Variants in MAGEC3 observed in about 807,000 individuals in gnomAD.
MAGEC3 encodes the protein melanoma-associated antigen C3.
In MAGEC3, 34 loss-of-function variants were observed where a neutral mutation model predicts 35.3. That is an observed-to-expected ratio of 0.96 (90% confidence interval 0.73 to 1.28). The LOEUF (loss-of-function observed/expected upper bound fraction) is 1.28, where lower values mean the gene tolerates loss of function less well. Among genes scored for constraint, MAGEC3 ranks in the 50% most tolerant of loss-of-function variants. The probability of loss-of-function intolerance (pLI) is 0.00; values close to 1 mark genes in which losing one functional copy is unlikely to be tolerated. For missense variants in MAGEC3, 561 were observed against 483.6 expected (o/e 1.16, Z -1.50); for synonymous variants, 202 against 185.6 (o/e 1.09, Z -0.72).
At chrX:141,883,622 A>T (rs773117392) in intron 4 of MAGEC3, among the ~76,000 whole-genome samples, 6 of 112,389 alleles carry the variant, frequency 5.3e-5, no homozygotes, top group Non-Finnish European at 9.4e-5. Context: ...TGGGATTTTA[A>T]TATATGATAT....
intron 3 of MAGEC3, among the ~76,000 whole-genome samples, chrX:141,879,660 C>G (rs2017947655): frequency 9.1e-6 from 1 of 110,011 alleles, no homozygotes; most frequent in Non-Finnish European, 1.9e-5. Flanking sequence ...GGAGACCTAG[C>G]CCCACTGGGA....
intron 2 of MAGEC3, among the ~76,000 whole-genome samples, chrX:141,866,514 C>G (rs2017850157): frequency 8.9e-6 from 1 of 112,084 alleles, no homozygotes; most frequent in Non-Finnish European, 1.9e-5. Context: ...AATAGAAATG[C>G]AAGCTAGTGC....
intron 1 of MAGEC3, among the ~76,000 whole-genome samples, chrX:141,852,812 A>G (rs938838763): frequency 1.8e-5 from 2 of 111,169 alleles, no homozygotes; most frequent in African/African-American, 3.3e-5. Context: ...CTATTTTTGT[A>G]TTGCTAGATT....
At chrX:141,850,680 T>C (rs2868575) in intron 1 of MAGEC3, among the ~76,000 whole-genome samples, 10,451 of 111,361 alleles carry the variant, frequency 0.094, 438 homozygotes, top group South Asian at 0.3. Context: ...TAACCAAACA[T>C]CTGGGCAGTA....
At chrX:141,897,535 C>T (rs2018113905) in intron 7 of MAGEC3, 49 bp downstream of exon 7, 5 of 1,194,561 alleles carry the variant, frequency 4.2e-6, no homozygotes, top group East Asian at 3.0e-5. Flanking sequence ...CAGAAAGCTG[C>T]TCACTATACA....
chrX:141,843,576 G>A (rs1372255016), intron 1 of MAGEC3, among the ~76,000 whole-genome samples: 1 of 110,713 alleles, frequency 9.0e-6, no homozygotes, highest in Non-Finnish European at 1.9e-5. Flanking sequence ...ATCACCCCAT[G>A]AACAGAATGC....
intron 7 of MAGEC3, 51 bp downstream of exon 7, chrX:141,897,537 C>T (rs2018113946): frequency 1.7e-6 from 2 of 1,196,234 alleles, no homozygotes; most frequent in Non-Finnish European, 2.3e-6. Context: ...GAAAGCTGCT[C>T]ACTATACATT....
chrX:141,846,185 T>G (rs1353773038), intron 1 of MAGEC3, among the ~76,000 whole-genome samples: 3 of 105,845 alleles, frequency 2.8e-5, no homozygotes, highest in Non-Finnish European at 3.9e-5. Flanking sequence ...GTTTTTAAAT[T>G]CTTGTTGCTT....
chrX:141,838,917 C>T, intron 1 of MAGEC3: 2 of 701,339 alleles, frequency 2.9e-6, no homozygotes, highest in Non-Finnish European at 3.4e-6. Flanking sequence ...GAGGGCAGGG[C>T]TCTAAAATGG....
At chrX:141,867,483 C>T (rs1481529471) in intron 2 of MAGEC3, among the ~76,000 whole-genome samples, 1 of 111,652 alleles carries the variant, frequency 9.0e-6, no homozygotes, top group Non-Finnish European at 1.9e-5. Context: ...GATAAACTCT[C>T]CCGCCCTAAA....
chrX:141,852,879 GTTTTC>G (rs1481420196), intron 1 of MAGEC3, among the ~76,000 whole-genome samples: 3 of 111,158 alleles, frequency 2.7e-5, no homozygotes, highest in Admixed American at 9.6e-5. Context: ...TTGGTTTGTA[GTTTTC>G]TTTTCTTGTA....
At chrX:141,878,119 A>G (rs1218902532) in intron 2 of MAGEC3, among the ~76,000 whole-genome samples, 13 of 111,856 alleles carry the variant, frequency 1.2e-4, no homozygotes, top group Admixed American at 1.1e-3. Flanking sequence ...AAACATTGAC[A>G]GTTTTGACAG....
chrX:141,861,266 T>C (rs760759839), intron 1 of MAGEC3, among the ~76,000 whole-genome samples: 46 of 110,918 alleles, frequency 4.1e-4, no homozygotes, highest in African/African-American at 1.5e-3. Context: ...CTACAAAACA[T>C]GTCAAAAATA....
At chrX:141,881,982 A>C (rs2017969980) in intron 4 of MAGEC3, among the ~76,000 whole-genome samples, 186 bp downstream of exon 4, 1 of 111,956 alleles carries the variant, frequency 8.9e-6, no homozygotes, top group Non-Finnish European at 1.9e-5. Context: ...GATTTTGGTC[A>C]TGTGAAACAA....
At position 141,895,397 on chromosome X, in the gene MAGEC3, C is replaced by A; in HGVS notation, c.1038C>A (p.Ala346=). 2 of 1,210,487 alleles carry A rather than the reference C, an allele frequency of 1.7e-6. No individual in the cohort carries two copies. Among genetic ancestry groups the A allele is most frequent in the Non-Finnish European group, 2.2e-6 (2 of 895,100 alleles). Residue 346 remains alanine, a synonymous_variant, in exon 5 of 8, where the codon GCC becomes GCA. Coordinates refer to ENST00000298296, the MANE Select transcript of MAGEC3 (RefSeq NM_138702.1). ...CAGAGGGAAGCGTCTTAGACCTGGC[C>A]AATCCTCAAGGTAAGGGCCCTAAGG... ...RSAEGSVLDL[A]NPQGLAGHRQ...
intron 2 of MAGEC3, among the ~76,000 whole-genome samples, chrX:141,876,741 T>C (rs1015467952): frequency 4.4e-5 from 5 of 112,397 alleles, no homozygotes; most frequent in Non-Finnish European, 9.4e-5. Context: ...CCACTTACAT[T>C]AGGGTTTTTG....
At position 141,879,277 on chromosome X, in the gene MAGEC3, A is replaced by G. The variant is rs959051269; in HGVS notation, c.361A>G (p.Lys121Glu). Residue 121 changes from lysine to glutamate, a missense_variant, in exon 3 of 8, where the codon AAG (lysine) becomes GAG (glutamate). Transcript: ENST00000298296. ...TTCTCTGAGGAGGGCAGTTTCAGTT[A>G]AGCAGAGGGAGGAACCCCAGGACTG... ...KFSLRRAVSV[K>E]QREEPQDWPL... 4 of 1,206,544 alleles carry G rather than the reference A, an allele frequency of 3.3e-6. No homozygotes were observed. In the Middle Eastern group the frequency reaches 7.0e-4, roughly 210 times the overall value.
At chrX:141,867,467 G>T (rs1205764090) in intron 2 of MAGEC3, among the ~76,000 whole-genome samples, 1 of 111,560 alleles carries the variant, frequency 9.0e-6, no homozygotes, top group African/African-American at 3.3e-5. Context: ...GGCAGTCCAA[G>T]TCTCTGATAA....
intron 2 of MAGEC3, among the ~76,000 whole-genome samples, chrX:141,871,850 A>G (rs2017889907): frequency 1.8e-5 from 2 of 109,164 alleles, no homozygotes; most frequent in South Asian, 8.5e-4. Context: ...TGAATGGGTA[A>G]CAGGTGGAGA....
Sources: allele counts gnomAD v4.1 joint callset (sites outside exome capture counted in the v4.1 genomes callset), GRCh38; gene constraint gnomAD v4.1.1; transcripts MANE v1.5; gene names NCBI Gene and HGNC (gene_info 2026-07-23, HGNC 2026-07-21).